NEMP2: variants seen among roughly 807,000 people sequenced by gnomAD.
The protein encoded by NEMP2 is UPF0571 transmembrane protein.
NEMP2 carries 53 observed loss-of-function variants against 54.2 expected under a neutral mutation model. The observed-to-expected ratio is 0.98, with a 90% confidence interval of 0.78 to 1.23. The LOEUF is 1.23. Among genes scored for constraint, NEMP2 ranks in the 50% most tolerant of loss-of-function variants. NEMP2 has a pLI of 0.00. For missense variants in NEMP2, 455 were observed against 511.3 expected (o/e 0.89, Z 1.06); for synonymous variants, 197 against 190.3 (o/e 1.04, Z -0.29).
the NEMP2 span, among the ~76,000 whole-genome samples, chr2:190,432,173 A>G: frequency 1.3e-5 from 2 of 152,218 alleles, no homozygotes; most frequent in South Asian, 2.1e-4. Context: ...AGGTTTCAAT[A>G]TAAGCATCTA....
chr2:190,556,337 T>C, the NEMP2 span, among the ~76,000 whole-genome samples: 1 of 152,138 alleles, frequency 6.6e-6, no homozygotes, highest in Non-Finnish European at 1.5e-5. Flanking sequence ...CTCAAAATAA[T>C]AAGAGCCATT....
the NEMP2 span, among the ~76,000 whole-genome samples, chr2:190,567,855 G>T: frequency 6.6e-6 from 1 of 152,042 alleles, no homozygotes. The surrounding 1 kb of genome is among the most constrained non-coding windows in gnomAD (Gnocchi z 4.0). Flanking sequence ...CACCATGTTG[G>T]CCAGGATGGT....
chr2:190,499,925 A>T (rs1689937336), downstream of NEMP2: 1 of 1,589,926 alleles, frequency 6.3e-7, no homozygotes, highest in South Asian at 1.1e-5. The surrounding 1 kb of genome is among the most constrained non-coding windows in gnomAD (Gnocchi z 6.0). Context: ...TGATCTCCCC[A>T]TGTTTCCTGT....
At chr2:190,454,138 T>C in the NEMP2 span, 1 of 152,152 alleles carries the variant, frequency 6.6e-6, no homozygotes, top group Non-Finnish European at 1.5e-5. This position sits in a 1 kb window ranked among gnomAD's most constrained non-coding sequence, Gnocchi z 4.6. Flanking sequence ...TAGAAAACAG[T>C]TGTTTTATTA....
chr2:190,556,428 A>T, the NEMP2 span, among the ~76,000 whole-genome samples: 1 of 152,250 alleles, frequency 6.6e-6, no homozygotes, highest in Non-Finnish European at 1.5e-5. Flanking sequence ...CAAGACATGG[A>T]TGCCCTCTCT....
chr2:190,486,419 G>T, the NEMP2 span, among the ~76,000 whole-genome samples: 1 of 152,170 alleles, frequency 6.6e-6, no homozygotes, highest in Non-Finnish European at 1.5e-5. Flanking sequence ...TCTCCTCTCT[G>T]GCATTCTGCC....
chr2:190,447,885 TTACCATGTAATATAGC>T, the NEMP2 span, among the ~76,000 whole-genome samples: 1 of 152,188 alleles, frequency 6.6e-6, no homozygotes, highest in African/African-American at 2.4e-5. The surrounding 1 kb of genome is among the most constrained non-coding windows in gnomAD (Gnocchi z 4.5). Context: ...AAGAAATATC[TTACCATGTAATATAGC>T]TACCAGGCTG....
the NEMP2 span, among the ~76,000 whole-genome samples, chr2:190,492,646 A>G: frequency 6.6e-6 from 1 of 152,244 alleles, no homozygotes; most frequent in Non-Finnish European, 1.5e-5. The surrounding 1 kb of genome is among the most constrained non-coding windows in gnomAD (Gnocchi z 5.2). Flanking sequence ...AGCAAAGGCA[A>G]TGCTAACAAA....
chr2:190,472,368 T>A, the NEMP2 span, among the ~76,000 whole-genome samples: 1 of 152,042 alleles, frequency 6.6e-6, no homozygotes, highest in Admixed American at 6.5e-5. Context: ...CTAACTACAA[T>A]AACCAATGCA....
intron 7 of NEMP2, among the ~76,000 whole-genome samples, chr2:190,511,153 C>CTTGTTTTG (rs1690350474): frequency 6.6e-6 from 1 of 152,000 alleles, no homozygotes; most frequent in East Asian, 1.9e-4. Context: ...CAATTAAAAG[C>CTTGTTTTG]TTGTTTTGTT....
the NEMP2 span, among the ~76,000 whole-genome samples, chr2:190,603,980 G>A: frequency 0.28 from 41,970 of 151,972 alleles, 6,587 homozygotes; most frequent in Admixed American, 0.45. Flanking sequence ...AGTAGGAAAG[G>A]ACCTCATTTT....
chr2:190,548,017 TA>T, the NEMP2 span, among the ~76,000 whole-genome samples: 2 of 152,230 alleles, frequency 1.3e-5, no homozygotes, highest in Non-Finnish European at 2.9e-5. Context: ...AAAGCTGGGT[TA>T]ACTAGGTCAC....
the NEMP2 span, among the ~76,000 whole-genome samples, chr2:190,633,630 T>C: frequency 1.5e-4 from 23 of 152,126 alleles, no homozygotes; most frequent in Non-Finnish European, 4.4e-5. Context: ...CAACTTTTCA[T>C]CTCCCATGTC....
the NEMP2 span, among the ~76,000 whole-genome samples, chr2:190,604,710 G>A: frequency 6.6e-6 from 1 of 152,112 alleles, no homozygotes; most frequent in African/African-American, 2.4e-5. This position sits in a 1 kb window ranked among gnomAD's most constrained non-coding sequence, Gnocchi z 4.5. Flanking sequence ...TCCCAGATGT[G>A]TTTTAATGTT....
the NEMP2 span, among the ~76,000 whole-genome samples, chr2:190,635,789 C>A: frequency 6.6e-6 from 1 of 152,200 alleles, no homozygotes; most frequent in African/African-American, 2.4e-5. The surrounding 1 kb of genome is among the most constrained non-coding windows in gnomAD (Gnocchi z 4.1). Flanking sequence ...AGTATGCACA[C>A]CTTTAACTTA....
At chr2:190,600,208 T>G in the NEMP2 span, among the ~76,000 whole-genome samples, 22 of 152,304 alleles carry the variant, frequency 1.4e-4, no homozygotes, top group East Asian at 3.3e-3. This position sits in a 1 kb window ranked among gnomAD's most constrained non-coding sequence, Gnocchi z 4.9. Flanking sequence ...CTTTTCCTGT[T>G]GTTTCTAACT....
At chr2:190,501,274 T>TTTC (rs1164399895), downstream of NEMP2, 2 of 152,128 alleles carry the variant, frequency 1.3e-5, no homozygotes, top group Non-Finnish European at 2.9e-5. Flanking sequence ...AAACCATGAA[T>TTTC]GGGAAGGATG....
the NEMP2 span, among the ~76,000 whole-genome samples, chr2:190,631,301 G>A: frequency 1.2e-4 from 18 of 152,106 alleles, no homozygotes; most frequent in African/African-American, 4.3e-4. Flanking sequence ...TGTGTGGAAT[G>A]GGCCTTACAG....
At chr2:190,612,447 C>T in the NEMP2 span, among the ~76,000 whole-genome samples, 1 of 152,140 alleles carries the variant, frequency 6.6e-6, no homozygotes, top group Non-Finnish European at 1.5e-5. Context: ...AGCCACTGCG[C>T]CCGGCCACAT....
Sources: allele counts gnomAD v4.1 joint callset (sites outside exome capture counted in the v4.1 genomes callset), GRCh38; gene constraint gnomAD v4.1.1; non-coding constraint Gnocchi (gnomAD v3.1); transcripts MANE v1.5; gene names NCBI Gene and HGNC (gene_info 2026-07-23, HGNC 2026-07-21).